The following NELL2 variants were observed in gnomAD, a reference collection of about 807,000 sequenced individuals.
The protein encoded by NELL2 is protein kinase C-binding protein NELL2.
NELL2 carries 41 observed loss-of-function variants against 109.6 expected under a neutral mutation model. That is an observed-to-expected ratio of 0.37 (90% CI 0.29 to 0.49). NELL2 has a LOEUF of 0.49. Ranked by LOEUF, NELL2 falls within the 20% of genes least tolerant of loss-of-function variation. The pLI, the probability that NELL2 is intolerant of heterozygous loss-of-function variation, is 0.98. For synonymous variants in NELL2, 355 were observed against 344.7 expected, an observed-to-expected ratio of 1.03 and a Z score of -0.33; for missense variants, 900 against 1,008.3, an observed-to-expected ratio of 0.89 and a Z score of 1.45.
chr12:44,571,675 C>T (rs1943876204), intron 15 of NELL2, among the ~76,000 whole-genome samples: 1 of 152,182 alleles, frequency 6.6e-6, no homozygotes, highest in African/African-American at 2.4e-5. Context: ...TTTATTGAAA[C>T]ACCAAAATGA....
At chr12:44,556,342 A>G (rs938206656) in intron 15 of NELL2, among the ~76,000 whole-genome samples, 1 of 152,168 alleles carries the variant, frequency 6.6e-6, no homozygotes, top group African/African-American at 2.4e-5. Flanking sequence ...GTGGGAAAAA[A>G]GGATAGGCAG....
At chr12:44,746,472 T>C (rs1443947975) in intron 9 of NELL2, among the ~76,000 whole-genome samples, 1 of 152,086 alleles carries the variant, frequency 6.6e-6, no homozygotes, top group Non-Finnish European at 1.5e-5. Context: ...CTCAAGAGCT[T>C]CTGCACAGCA....
rs1941717344 is a variant in NELL2 at position 44,525,369 on chromosome 12, G to T, written c.1805-1885C>A. 2.0e-5 allele frequency among the ~76,000 whole-genome samples: 3 copies of T among 152,164 alleles called. No individual in the cohort carries two copies. In the South Asian group the frequency reaches 6.2e-4, roughly 31 times the overall value. ...GAGTAAAAAGTTGCTCATAACGATG[G>T]TTGGCATGTACTTGTTATACCTGGA... On this transcript the variant is annotated intron_variant, in intron 16 of 19. Transcript: ENST00000429094.
At chr12:44,778,656 T>C (rs549430416) in intron 5 of NELL2, among the ~76,000 whole-genome samples, 1 of 152,322 alleles carries the variant, frequency 6.6e-6, no homozygotes, top group East Asian at 1.9e-4. Flanking sequence ...TTTTAGGATT[T>C]GCAAGCATGG....
chr12:44,866,386 T>C (rs1211377382), intron 2 of NELL2, among the ~76,000 whole-genome samples: 1 of 151,860 alleles, frequency 6.6e-6, no homozygotes, highest in East Asian at 1.9e-4. Flanking sequence ...AAAGGGAAAT[T>C]AGAAGGAAAG....
chr12:44,847,288 T>C (rs1592646219), intron 2 of NELL2, among the ~76,000 whole-genome samples: 1 of 152,316 alleles, frequency 6.6e-6, no homozygotes, highest in East Asian at 1.9e-4. Context: ...TAGATTATTA[T>C]CTGTCTTATG....
At chr12:44,722,672 T>C (rs1194304602) in intron 9 of NELL2, among the ~76,000 whole-genome samples, 2 of 152,172 alleles carry the variant, frequency 1.3e-5, no homozygotes, top group African/African-American at 4.8e-5. Flanking sequence ...TGAAATGATT[T>C]AGCATGATTT....
At chr12:44,648,802 C>T (rs1201131900) in intron 13 of NELL2, among the ~76,000 whole-genome samples, 2 of 138,186 alleles carry the variant, frequency 1.4e-5, no homozygotes, top group African/African-American at 5.5e-5. Flanking sequence ...GTGGCGTGAT[C>T]TCGGCTCACT....
rs556753032 is a variant in NELL2 at position 44,797,875 on chromosome 12, T to C, written c.336-17853A>G. ...TGGAATAAAACCATTCCATCCTAGA[T>C]GGAATGATGGAATAAAACCATTCCA... is the stretch of plus-strand genomic sequence containing the variant. On this transcript the variant is annotated intron_variant, in intron 3 of 19. Coordinates refer to ENST00000429094, the MANE Select transcript of NELL2 (RefSeq NM_001145108.2). 6.9e-3 allele frequency among the ~76,000 whole-genome samples: 868 copies of C among 125,120 alleles called. 26 individuals carry two copies. Among genetic ancestry groups the C allele is most frequent in the African/African-American group, 0.023 (805 of 34,484 alleles). The allele number at this position is 125,120 out of a possible 152,430, so 82.1% of individuals were successfully genotyped here.
intron 12 of NELL2, among the ~76,000 whole-genome samples, chr12:44,690,308 A>G (rs568187865): frequency 1.1e-4 from 17 of 152,356 alleles, no homozygotes; most frequent in African/African-American, 3.6e-4. Flanking sequence ...GCTGAAAAGA[A>G]TTAGATAGCC....
chr12:44,652,090 T>G (rs1947320089), intron 13 of NELL2, among the ~76,000 whole-genome samples: 1 of 152,110 alleles, frequency 6.6e-6, no homozygotes, highest in Non-Finnish European at 1.5e-5. Flanking sequence ...GGCCCATAGG[T>G]CACTAATGGA....
At chr12:44,690,317 C>T (rs2136393555) in intron 12 of NELL2, among the ~76,000 whole-genome samples, 1 of 152,174 alleles carries the variant, frequency 6.6e-6, no homozygotes, top group South Asian at 2.1e-4. Context: ...AATTAGATAG[C>T]CACTAAATTA....
rs369136591 is a variant in NELL2 at position 44,523,487 on chromosome 12, A to G, written c.1805-3T>C. On this transcript the variant is annotated splice_polypyrimidine_tract_variant and splice_region_variant and intron_variant, in intron 16 of 19. Transcript: ENST00000429094. ...CCCGGTCCCACACTCATCAATATCT[A>G]TAGACAAGAAAAAGCAGCACTCAAT... is the stretch of plus-strand genomic sequence containing the variant. The G allele has an allele frequency of 2.5e-6, 4 of 1,612,418 alleles. No individual in the cohort carries two copies. Among genetic ancestry groups the G allele is most frequent in the Non-Finnish European group, 2.5e-6 (3 of 1,179,868 alleles).
At chr12:44,863,086 G>A (rs2658958) in intron 2 of NELL2, among the ~76,000 whole-genome samples, 4 of 151,246 alleles carry the variant, frequency 2.6e-5, no homozygotes, top group African/African-American at 9.7e-5. Context: ...AATGCTATTC[G>A]TTCCCCTAGC....
chr12:44,785,486 C>G (rs939254505), intron 3 of NELL2, among the ~76,000 whole-genome samples: 1 of 152,154 alleles, frequency 6.6e-6, no homozygotes, highest in African/African-American at 2.4e-5. Context: ...CTATCCCCAT[C>G]AAGCTACCAT....
chr12:44,791,513 T>C (rs116337731), intron 3 of NELL2, among the ~76,000 whole-genome samples: 2,193 of 151,702 alleles, frequency 0.014, 51 homozygotes, highest in African/African-American at 0.05. Context: ...CAATAATTCA[T>C]AGGAGACGTG....
intron 15 of NELL2, among the ~76,000 whole-genome samples, chr12:44,558,658 T>C (rs1322594595): frequency 6.6e-6 from 1 of 152,182 alleles, no homozygotes; most frequent in Non-Finnish European, 1.5e-5. Context: ...TACTATGCTT[T>C]TCCCATGGTC....
chr12:44,752,313 T>C (rs915334902), intron 9 of NELL2, among the ~76,000 whole-genome samples: 5 of 152,234 alleles, frequency 3.3e-5, no homozygotes, highest in African/African-American at 1.2e-4. Context: ...ACATACATTA[T>C]CTAAAATAAC....
At chr12:44,684,951 G>C (rs1354348739) in intron 12 of NELL2, among the ~76,000 whole-genome samples, 1 of 152,280 alleles carries the variant, frequency 6.6e-6, no homozygotes, top group East Asian at 1.9e-4. Context: ...GTGCAGAGCT[G>C]AGTTCAATTC....
Sources: gnomAD v4.1 joint callset for allele counts (sites outside exome capture counted in the v4.1 genomes callset) on GRCh38, gnomAD v4.1.1 for gene constraint, MANE v1.5 for transcripts, NCBI Gene and HGNC (gene_info 2026-07-23, HGNC 2026-07-21) for gene names.